FRMD6: variants seen among roughly 807,000 people sequenced by gnomAD.
FRMD6 encodes FERM domain containing 6.
In FRMD6, 37 loss-of-function variants were observed where a neutral mutation model predicts 73.2. That is an observed-to-expected ratio of 0.51 (90% CI 0.39 to 0.66). FRMD6 has a LOEUF of 0.66. FRMD6 is among the 30% of genes least tolerant of loss of function. The pLI, the probability that FRMD6 is intolerant of heterozygous loss-of-function variation, is 0.00. For synonymous variants in FRMD6, 273 were observed against 282.2 expected (o/e 0.97, Z 0.33); for missense variants, 714 against 780.5 (o/e 0.91, Z 1.02).
At chr14:51,505,455 C>T (rs1883903750) in intron 1 of FRMD6, among the ~76,000 whole-genome samples, 1 of 152,062 alleles carries the variant, frequency 6.6e-6, no homozygotes, top group South Asian at 2.1e-4. Flanking sequence ...GCTCACATGT[C>T]AGGGACAAGG....
At chr14:51,572,559 G>A (rs1210766457) in intron 2 of FRMD6, among the ~76,000 whole-genome samples, 1 of 152,118 alleles carries the variant, frequency 6.6e-6, no homozygotes, top group East Asian at 1.9e-4. Context: ...TAGAGGAGAG[G>A]TATGTAAAAC....
chr14:51,516,601 C>T (rs946339794), intron 1 of FRMD6, among the ~76,000 whole-genome samples: 1 of 152,138 alleles, frequency 6.6e-6, no homozygotes, highest in Non-Finnish European at 1.5e-5. Flanking sequence ...CCCTTTAGAG[C>T]CCTGTCATCT....
chr14:51,467,967 C>T, the FRMD6 span, among the ~76,000 whole-genome samples: 8 of 152,080 alleles, frequency 5.3e-5, no homozygotes, highest in East Asian at 3.9e-4. Context: ...TGTAGCGAGC[C>T]GAGATCACGC....
chr14:51,659,982 T>C (rs2140154179), intron 1 of FRMD6, among the ~76,000 whole-genome samples: 1 of 152,352 alleles, frequency 6.6e-6, no homozygotes, highest in African/African-American at 2.4e-5. Context: ...ACTAGCCTAA[T>C]TACGAGCTCA....
At chr14:51,606,640 T>C (rs7158526) in intron 2 of FRMD6, among the ~76,000 whole-genome samples, 37,890 of 152,124 alleles carry the variant, frequency 0.25, 5,694 homozygotes, top group Non-Finnish European at 0.34. Context: ...ATGTATTAGT[T>C]GGGGTCCTCC....
chr14:51,483,169 G>A, the FRMD6 span, among the ~76,000 whole-genome samples: 1 of 152,184 alleles, frequency 6.6e-6, no homozygotes, highest in African/African-American at 2.4e-5. Flanking sequence ...TATCTTCAGA[G>A]ATTTTTGATT....
chr14:51,702,392 A>T, intron 4 of FRMD6, 120 bp from the exon 5 acceptor site: 1 of 778,308 alleles, frequency 1.3e-6, no homozygotes, highest in Non-Finnish European at 2.2e-6. Context: ...CATTATAAGT[A>T]AATAAAACCT....
intron 1 of FRMD6, among the ~76,000 whole-genome samples, chr14:51,655,660 T>A (rs2140123467): frequency 6.6e-6 from 1 of 152,288 alleles, no homozygotes; most frequent in Non-Finnish European, 1.5e-5. Context: ...GGATAAGTAT[T>A]TAAAACAAGG....
chr14:51,569,503 CTTTCTTTTTT>C (rs1356537538), intron 1 of FRMD6, among the ~76,000 whole-genome samples: 1 of 122,900 alleles, frequency 8.1e-6, no homozygotes, highest in Non-Finnish European at 1.7e-5. Flanking sequence ...TTCTTTCTTT[CTTTCTTTTTT>C]TTTTTTTTTT....
chr14:51,730,363 G>C lies in FRMD6; in HGVS notation c.*2334G>C, dbSNP rs755551627. 1 of 152,108 alleles carries C rather than the reference G, an allele frequency of 6.6e-6. No homozygotes were observed. The highest frequency in any genetic ancestry group is 1.5e-5 in the Non-Finnish European group (1 of 68,014). The allele number at this position is 152,108 out of a possible 1,614,324, so 9.4% of individuals were successfully genotyped here. A position where few individuals can be genotyped will look rare whatever the true frequency, so the allele number is the denominator to read the frequency against. On this transcript the variant is annotated 3_prime_UTR_variant, in exon 14 of 14. Transcript: ENST00000344768. ...GCTTTTTGATCCACTGTTTGCAGCA[G>C]AATTATATATATGTATAGGAAAAAT... is the stretch of plus-strand genomic sequence containing the variant.
At chr14:51,481,857 T>A in the FRMD6 span, among the ~76,000 whole-genome samples, 2 of 152,258 alleles carry the variant, frequency 1.3e-5, no homozygotes, top group African/African-American at 4.8e-5. Context: ...AGTAGATCAG[T>A]AACAGAGATT....
chr14:51,643,718 A>G (rs370612873), intron 2 of FRMD6: 1 of 152,272 alleles, frequency 6.6e-6, no homozygotes, highest in East Asian at 1.9e-4. Context: ...CCAAAGGTTC[A>G]GAGATGGAGC....
At chr14:51,644,152 T>C (rs945844403) in intron 2 of FRMD6, among the ~76,000 whole-genome samples, 1 of 152,122 alleles carries the variant, frequency 6.6e-6, no homozygotes, top group African/African-American at 2.4e-5. Context: ...ATATTAATTA[T>C]ACCATACATT....
intron 2 of FRMD6, chr14:51,600,090 T>C (rs181780981): frequency 6.6e-6 from 1 of 152,078 alleles, no homozygotes; most frequent in Admixed American, 6.5e-5. Flanking sequence ...ACATTGTTAC[T>C]GTTCTAATTT....
At chr14:51,461,643 A>G in the FRMD6 span, among the ~76,000 whole-genome samples, 1 of 152,252 alleles carries the variant, frequency 6.6e-6, no homozygotes, top group Admixed American at 6.5e-5. Context: ...GGCCTCATCC[A>G]TAATATTGGT....
intron 2 of FRMD6, among the ~76,000 whole-genome samples, chr14:51,596,565 T>C (rs900595801): frequency 6.6e-6 from 1 of 152,192 alleles, no homozygotes; most frequent in Non-Finnish European, 1.5e-5. Flanking sequence ...CTGAGTGTCA[T>C]CAATAATGAC....
chr14:51,578,333 A>C (rs536820722), intron 2 of FRMD6, among the ~76,000 whole-genome samples: 8 of 152,332 alleles, frequency 5.3e-5, no homozygotes, highest in African/African-American at 1.9e-4. Flanking sequence ...AGTGGCACAA[A>C]GTGGCCACTG....
At chr14:51,472,064 T>C in the FRMD6 span, among the ~76,000 whole-genome samples, 2 of 152,180 alleles carry the variant, frequency 1.3e-5, no homozygotes, top group East Asian at 3.9e-4. Context: ...TCTTGAACTT[T>C]CCAGCCTCTA....
intron 1 of FRMD6, among the ~76,000 whole-genome samples, chr14:51,539,841 G>C (rs1274869961): frequency 2.0e-5 from 3 of 152,118 alleles, no homozygotes; most frequent in Non-Finnish European, 4.4e-5. Flanking sequence ...TATGAGGGTG[G>C]GGGGAGTAGA....
Sources: allele counts gnomAD v4.1 joint callset (sites outside exome capture counted in the v4.1 genomes callset), GRCh38; gene constraint gnomAD v4.1.1; transcripts MANE v1.5; gene names NCBI Gene and HGNC (gene_info 2026-07-23, HGNC 2026-07-21).